Variants in TBC1D32 observed in about 807,000 individuals in gnomAD.
TBC1D32 encodes TBC1 domain family member 32.
A neutral mutation model predicts 170.3 loss-of-function variants in TBC1D32; 151 were observed. The ratio of observed to expected loss-of-function variants is 0.89; its 90% CI spans 0.78 to 1.01. The LOEUF is 1.01. TBC1D32 is among the 50% of genes least tolerant of loss of function. TBC1D32 has a pLI of 0.00. For synonymous variants in TBC1D32, 498 were observed against 488.0 expected, an observed-to-expected ratio of 1.02 and a Z score of -0.27; for missense variants, 1,464 against 1,457.1, an observed-to-expected ratio of 1.00 and a Z score of -0.08.
chr6:121,287,754 A>G (rs1804115938), intron 12 of TBC1D32, among the ~76,000 whole-genome samples: 1 of 152,204 alleles, frequency 6.6e-6, no homozygotes, highest in Non-Finnish European at 1.5e-5. Context: ...AGTTGGAAGT[A>G]AAGTACTCTT....
At chr6:121,312,349 TTAAAG>T (rs1298758230) in intron 3 of TBC1D32, among the ~76,000 whole-genome samples, 3 of 152,150 alleles carry the variant, frequency 2.0e-5, no homozygotes, top group Admixed American at 6.5e-5. Flanking sequence ...ATCCCAGAAC[TTAAAG>T]TAATTTTTTT....
Position 121,160,044 on chromosome 6 carries a change from CAGAT to C in TBC1D32, c.2735_2738del (p.Tyr912CysfsTer10), listed in dbSNP as rs1458089174. The C allele has an allele frequency of 6.2e-7, 1 of 1,608,176 alleles. No individual in the cohort carries two copies. Among genetic ancestry groups the C allele is most frequent in the East Asian group, 2.2e-5 (1 of 44,712 alleles). On this transcript the variant is annotated frameshift_variant, in exon 24 of 32. Transcript: ENST00000398212. LOFTEE classifies it high-confidence loss of function. ...TACCAGCATTTCTTGTAATGTCTGACAGATAGCAGTTTGGCAATGGATATGATGA... is the reference window on the plus strand; with the variant it reads ...TACCAGCATTTCTTGTAATGTCTGACAGCAGTTTGGCAATGGATATGATGA...
intron 24 of TBC1D32, among the ~76,000 whole-genome samples, chr6:121,135,748 C>T (rs1368217679): frequency 1.3e-5 from 2 of 152,110 alleles, no homozygotes; most frequent in East Asian, 3.9e-4. Context: ...CAGAGCACAC[C>T]TAGAGTTACA....
At chr6:121,334,533 C>T (rs529097584), upstream of TBC1D32, 6 of 1,394,258 alleles carry the variant, frequency 4.3e-6, no homozygotes, top group Admixed American at 5.1e-5. Flanking sequence ...CTACGTGCGG[C>T]GTCGTTCCCA....
intron 2 of TBC1D32, 61 bp from the exon 3 acceptor site, chr6:121,317,733 G>T: frequency 8.3e-7 from 1 of 1,208,892 alleles, no homozygotes; most frequent in Non-Finnish European, 1.1e-6. Context: ...CAGTCAACTA[G>T]TTAAATTATC....
intron 13 of TBC1D32, 102 bp from the exon 14 acceptor site, chr6:121,281,788 C>A: frequency 1.2e-6 from 1 of 835,400 alleles, no homozygotes; most frequent in Admixed American, 3.2e-5. Flanking sequence ...AAAGTTAATT[C>A]AGTACTTCAA....
intron 1 of TBC1D32, among the ~76,000 whole-genome samples, chr6:121,331,457 T>A (rs1054792156): frequency 1.3e-5 from 2 of 151,806 alleles, no homozygotes; most frequent in Non-Finnish European, 2.9e-5. Flanking sequence ...TGAACTCAAG[T>A]GATTCACCTG....
At chr6:121,103,125 C>T (rs970581622) in intron 30 of TBC1D32, among the ~76,000 whole-genome samples, 22 of 152,084 alleles carry the variant, frequency 1.4e-4, no homozygotes, top group African/African-American at 5.3e-4. Flanking sequence ...AACACTTTTA[C>T]ACTGTTGGTG....
intron 24 of TBC1D32, among the ~76,000 whole-genome samples, chr6:121,139,050 G>T (rs1359559478): frequency 6.6e-6 from 1 of 152,060 alleles, no homozygotes; most frequent in African/African-American, 2.4e-5. Context: ...GTTTCACTGT[G>T]TTAGCCAGGA....
At chr6:121,096,510 A>G (rs576207730) in intron 30 of TBC1D32, among the ~76,000 whole-genome samples, 9 of 152,298 alleles carry the variant, frequency 5.9e-5, no homozygotes, top group Middle Eastern at 3.4e-3. Context: ...GACCTCTGCA[A>G]GTAGAACTAC....
At chr6:121,249,052 AAAT>A (rs1192045607) in intron 17 of TBC1D32, among the ~76,000 whole-genome samples, 2 of 152,062 alleles carry the variant, frequency 1.3e-5, no homozygotes, top group East Asian at 3.9e-4. Flanking sequence ...AAAATCCTCA[AAAT>A]AATACTTGCT....
At chr6:121,198,790 C>T (rs1372100585) in intron 22 of TBC1D32, among the ~76,000 whole-genome samples, 1 of 151,050 alleles carries the variant, frequency 6.6e-6, no homozygotes, top group Non-Finnish European at 1.5e-5. Context: ...TCATCGAAGG[C>T]ACTGTAGATA....
At chr6:121,332,837 G>A (rs1159637324) in intron 1 of TBC1D32, among the ~76,000 whole-genome samples, 1 of 152,066 alleles carries the variant, frequency 6.6e-6, no homozygotes, top group Non-Finnish European at 1.5e-5. Flanking sequence ...CTAATAACAG[G>A]TATTAGTAGT....
intron 17 of TBC1D32, 107 bp downstream of exon 17, chr6:121,255,221 T>C (rs1352551209): frequency 1.7e-6 from 1 of 571,810 alleles, no homozygotes; most frequent in Non-Finnish European, 2.8e-6. Context: ...TATATACATT[T>C]ACCATCCTGT....
rs534590687 is a variant in TBC1D32, at chr6:121,085,369, A to G, written c.3655-4479T>C. On this transcript the variant is annotated intron_variant, in intron 31 of 31. Transcript: ENST00000398212. ...TACATACATATATATACATATATAT[A>G]TGTGTATATATATATATATATTCTT... 2.4e-4 allele frequency among the ~76,000 whole-genome samples: 25 copies of G among 105,802 alleles called. No homozygotes were observed. In the South Asian group the frequency reaches 4.3e-3, roughly 18 times the overall value. The allele number at this position is 105,802 out of a possible 152,430, so 69.4% of individuals were successfully genotyped here.
At chr6:121,181,948 A>G (rs1231502656) in intron 22 of TBC1D32, among the ~76,000 whole-genome samples, 2 of 152,100 alleles carry the variant, frequency 1.3e-5, no homozygotes, top group Non-Finnish European at 2.9e-5. Context: ...AGGGAGTAAA[A>G]TGGTGGTTCA....
At chr6:121,284,208 T>C (rs1008220078) in intron 12 of TBC1D32, among the ~76,000 whole-genome samples, 5 of 152,110 alleles carry the variant, frequency 3.3e-5, no homozygotes, top group Non-Finnish European at 7.4e-5. Flanking sequence ...TGATTAAGGC[T>C]ATTTGAGTTT....
At chr6:121,289,726 T>A (rs1237097497) in intron 12 of TBC1D32, among the ~76,000 whole-genome samples, 1 of 152,140 alleles carries the variant, frequency 6.6e-6, no homozygotes, top group East Asian at 1.9e-4. Context: ...GCTGGAGGCA[T>A]CAGGCTACCT....
At chr6:121,119,982 C>T (rs1004028970) in intron 26 of TBC1D32, among the ~76,000 whole-genome samples, 7 of 151,980 alleles carry the variant, frequency 4.6e-5, no homozygotes, top group Admixed American at 3.3e-4. Context: ...TATATCAAAA[C>T]AATTTTTAAT....
Sources: gnomAD v4.1 joint callset for allele counts (sites outside exome capture counted in the v4.1 genomes callset) on GRCh38, gnomAD v4.1.1 for gene constraint, MANE v1.5 for transcripts, NCBI Gene and HGNC (gene_info 2026-07-23, HGNC 2026-07-21) for gene names.